FHOD3: variants seen among roughly 807,000 people sequenced by gnomAD.
The protein encoded by FHOD3 is FH1/FH2 domain-containing protein 3.
FHOD3 carries 90 observed loss-of-function variants against 173.0 expected under a neutral mutation model. That is an observed-to-expected ratio of 0.52 (90% CI 0.44 to 0.62). FHOD3 has a LOEUF of 0.62. FHOD3 is among the 20% of genes least tolerant of loss of function. The pLI, the probability that FHOD3 is intolerant of heterozygous loss-of-function variation, is 0.00. For synonymous variants in FHOD3, 828 were observed against 823.0 expected (o/e 1.01, Z -0.10); for missense variants, 1,945 against 2,034.7 (o/e 0.96, Z 0.85).
At chr18:36,306,790 G>A (rs1259156191) in intron 1 of FHOD3, among the ~76,000 whole-genome samples, 2 of 152,132 alleles carry the variant, frequency 1.3e-5, no homozygotes, top group Admixed American at 6.5e-5. Context: ...CTGAGTGAGA[G>A]GATAACCGTG....
At chr18:36,491,980 A>G (rs1157057145) in intron 3 of FHOD3, among the ~76,000 whole-genome samples, 1 of 152,188 alleles carries the variant, frequency 6.6e-6, no homozygotes, top group African/African-American at 2.4e-5. Context: ...TAAACATGGT[A>G]GAGTAGGGCT....
intron 20 of FHOD3, among the ~76,000 whole-genome samples, chr18:36,738,840 T>G (rs568295596): frequency 6.6e-6 from 1 of 152,368 alleles, no homozygotes; most frequent in Admixed American, 6.5e-5. Flanking sequence ...TATAGCTTTT[T>G]ATTTATTAAA....
chr18:36,441,311 G>T (rs553759975), intron 3 of FHOD3, among the ~76,000 whole-genome samples: 54 of 152,190 alleles, frequency 3.5e-4, no homozygotes, highest in Non-Finnish European at 7.2e-4. Flanking sequence ...AAATTCAGAA[G>T]GGTGGGCATG....
chr18:36,683,361 A>G (rs2149417481), intron 15 of FHOD3, among the ~76,000 whole-genome samples: 1 of 152,340 alleles, frequency 6.6e-6, no homozygotes, highest in African/African-American at 2.4e-5. Flanking sequence ...CTCTTGAAAC[A>G]GGGTGCTGGT....
At chr18:36,429,870 G>A (rs1211903221) in intron 3 of FHOD3, among the ~76,000 whole-genome samples, 1 of 152,088 alleles carries the variant, frequency 6.6e-6, no homozygotes, top group Admixed American at 6.5e-5. Flanking sequence ...CAGGCCTGGT[G>A]AGAGCAGATC....
At chr18:36,540,377 C>T (rs554064822) in intron 5 of FHOD3, among the ~76,000 whole-genome samples, 7 of 152,282 alleles carry the variant, frequency 4.6e-5, no homozygotes, top group Admixed American at 6.5e-5. Flanking sequence ...GTTGTGTTTC[C>T]GTGTCAGACA....
chr18:36,727,814 A>G (rs1189333488), intron 19 of FHOD3, among the ~76,000 whole-genome samples: 1 of 152,194 alleles, frequency 6.6e-6, no homozygotes. Flanking sequence ...TTCTCCCCCA[A>G]GCTGTTTGCC....
chr18:36,305,974 GT>G (rs2092085096), intron 1 of FHOD3, among the ~76,000 whole-genome samples: 1 of 152,216 alleles, frequency 6.6e-6, no homozygotes, highest in Non-Finnish European at 1.5e-5. Context: ...GAGACAAGTC[GT>G]TGATAGAATA....
chr18:36,459,580 T>C (rs1034181414), intron 3 of FHOD3, among the ~76,000 whole-genome samples: 1 of 152,198 alleles, frequency 6.6e-6, no homozygotes, highest in Admixed American at 6.5e-5. Flanking sequence ...AGCCAACTTC[T>C]GTCATCCTCA....
At chr18:36,468,405 G>A (rs1207387054) in intron 3 of FHOD3, among the ~76,000 whole-genome samples, 3 of 152,168 alleles carry the variant, frequency 2.0e-5, no homozygotes, top group African/African-American at 7.2e-5. Context: ...GGCGGAGGTG[G>A]TGGAGAAAGA....
intron 6 of FHOD3, among the ~76,000 whole-genome samples, chr18:36,590,304 G>C (rs2059171334): frequency 6.6e-6 from 1 of 152,170 alleles, no homozygotes; most frequent in Non-Finnish European, 1.5e-5. Context: ...GCTGTTCCAA[G>C]CTTCCAAGGG....
chr18:36,615,060 G>A (rs1568496967), intron 9 of FHOD3, among the ~76,000 whole-genome samples: 2 of 151,974 alleles, frequency 1.3e-5, no homozygotes, highest in Admixed American at 1.3e-4. Context: ...ATGTTGGTCA[G>A]GCTGGTCTCA....
intron 3 of FHOD3, among the ~76,000 whole-genome samples, chr18:36,450,059 A>G (rs1027981604): frequency 6.6e-6 from 1 of 152,076 alleles, no homozygotes; most frequent in Non-Finnish European, 1.5e-5. Context: ...GTAATCTTTT[A>G]TCCCTCACCC....
At chr18:36,519,168 T>G (rs2056143455) in intron 5 of FHOD3, among the ~76,000 whole-genome samples, 1 of 152,194 alleles carries the variant, frequency 6.6e-6, no homozygotes, top group Non-Finnish European at 1.5e-5. Flanking sequence ...ACTTGTGTCC[T>G]CCTCTTTCCA....
chr18:36,664,071 G>A (rs2036990008), intron 14 of FHOD3, among the ~76,000 whole-genome samples: 1 of 151,978 alleles, frequency 6.6e-6, no homozygotes, highest in South Asian at 2.1e-4. Context: ...CTATCACTTG[G>A]TCAACCCAAT....
At position 36,562,109 on chromosome 18, in the gene FHOD3, C is replaced by T. The variant is rs927997506; in HGVS notation, c.512-14342C>T. Among the ~76,000 whole-genome samples the T allele has an allele frequency of 7.9e-5, 12 of 152,014 alleles. No individual in the cohort carries two copies. The East Asian group carries it at 1.7e-3, about 22-fold the overall frequency. On this transcript the variant is annotated intron_variant, in intron 5 of 28. Transcript: ENST00000590592. The stretch of plus-strand genomic sequence containing the variant: ...TTGGCTCACTGCAACCTCCGCCTCC[C>T]GGATTCAAGTGATTCTCCTGCCTCA...
intron 3 of FHOD3, among the ~76,000 whole-genome samples, chr18:36,469,078 T>C (rs1265016835): frequency 6.6e-6 from 1 of 152,188 alleles, no homozygotes; most frequent in Non-Finnish European, 1.5e-5. Context: ...CTTGCCATAC[T>C]TGGGGGTCTT....
chr18:36,593,767 T>G (rs372657468), intron 6 of FHOD3, among the ~76,000 whole-genome samples: 1 of 152,188 alleles, frequency 6.6e-6, no homozygotes, highest in Non-Finnish European at 1.5e-5. Context: ...GCTCCCTCTG[T>G]GCCAAGTGCC....
At chr18:36,594,982 A>T (rs2030071317) in intron 7 of FHOD3, 84 bp downstream of exon 7, 4 of 848,372 alleles carry the variant, frequency 4.7e-6, no homozygotes, top group Middle Eastern at 2.3e-4. Flanking sequence ...CTTGAGACAG[A>T]TATAAGAATT....
Sources: allele counts gnomAD v4.1 joint callset (sites outside exome capture counted in the v4.1 genomes callset), GRCh38; gene constraint gnomAD v4.1.1; transcripts MANE v1.5; gene names NCBI Gene and HGNC (gene_info 2026-07-23, HGNC 2026-07-21).